TRAPPC9: variants seen among roughly 807,000 people sequenced by gnomAD.
TRAPPC9 encodes IKK2 binding protein.
TRAPPC9 carries 83 observed loss-of-function variants against 124.0 expected under a neutral mutation model. The observed-to-expected ratio is 0.67, with a 90% CI of 0.56 to 0.80. TRAPPC9 has a LOEUF of 0.80. TRAPPC9 is among the 30% of genes least tolerant of loss of function. TRAPPC9 has a pLI of 0.00. For missense variants in TRAPPC9, 1,302 were observed against 1,508.3 expected (o/e 0.86, Z 2.27); for synonymous variants, 638 against 617.5 (o/e 1.03, Z -0.49).
At chr8:140,444,199 G>A (rs1486105813) in intron 2 of TRAPPC9, among the ~76,000 whole-genome samples, 2 of 145,604 alleles carry the variant, frequency 1.4e-5, no homozygotes, top group African/African-American at 2.6e-5. Context: ...GCAACAGAGT[G>A]AGACTCTGTC....
intron 9 of TRAPPC9, among the ~76,000 whole-genome samples, chr8:140,314,638 C>T (rs913258560): frequency 4.6e-5 from 7 of 152,192 alleles, no homozygotes; most frequent in African/African-American, 1.7e-4. Flanking sequence ...CTCTATTCTG[C>T]TAATTCCATG....
chr8:139,740,215 T>C (rs374354382), intron 21 of TRAPPC9, among the ~76,000 whole-genome samples: 1 of 152,236 alleles, frequency 6.6e-6, no homozygotes, highest in East Asian at 1.9e-4. Context: ...TTCCCTCCTG[T>C]CCCTGGCCCT....
chr8:139,782,624 C>T (rs1342099665), intron 21 of TRAPPC9, among the ~76,000 whole-genome samples: 1 of 152,116 alleles, frequency 6.6e-6, no homozygotes, highest in Non-Finnish European at 1.5e-5. Context: ...AGGTGGGCAA[C>T]TGAATATCTT....
intron 21 of TRAPPC9, among the ~76,000 whole-genome samples, chr8:139,806,458 G>T (rs1453116435): frequency 6.6e-6 from 1 of 152,152 alleles, no homozygotes; most frequent in Non-Finnish European, 1.5e-5. Context: ...GGGGCTCAGC[G>T]GCAGTGACAC....
intron 5 of TRAPPC9, among the ~76,000 whole-genome samples, chr8:140,418,495 T>C (rs985992734): frequency 6.6e-6 from 1 of 151,974 alleles, no homozygotes; most frequent in Non-Finnish European, 1.5e-5. Flanking sequence ...CCAAGGCAGG[T>C]GGACTGACTG....
rs546364641 is a variant in TRAPPC9, at chr8:139,977,933, G to A, written c.2810+10793C>T. 1.7e-3 allele frequency among the ~76,000 whole-genome samples: 260 copies of A among 152,092 alleles called. 2 individuals are homozygous for A. Among genetic ancestry groups the A allele is most frequent in the African/African-American group, 5.9e-3 (243 of 41,500 alleles). ...TGACCTTAGGTGATCCACCCACCACGGCCTCCTAAAGTGCTGGGATTATGG... is the reference window on the plus strand; with the variant it reads ...TGACCTTAGGTGATCCACCCACCACAGCCTCCTAAAGTGCTGGGATTATGG... On this transcript the variant is annotated intron_variant, in intron 19 of 22. Coordinates refer to ENST00000438773, the MANE Select transcript of TRAPPC9 (RefSeq NM_001160372.4).
At chr8:139,847,697 G>A (rs540852219) in intron 21 of TRAPPC9, among the ~76,000 whole-genome samples, 15 of 151,752 alleles carry the variant, frequency 9.9e-5, no homozygotes, top group East Asian at 7.8e-4. Flanking sequence ...CCGACGGCCC[G>A]GCCTGTGGAT....
rs62526982 is a variant in TRAPPC9, at chr8:139,932,083, T to C, written c.2811-21783A>G. On this transcript the variant is annotated intron_variant, in intron 19 of 22. Transcript: ENST00000438773. ...AGCAATAATACAATTCAAAAGGAGATAGAAGAGGCCGCAGAGGTGTTGATG... is the reference window on the plus strand; with the variant it reads ...AGCAATAATACAATTCAAAAGGAGACAGAAGAGGCCGCAGAGGTGTTGATG... 2.2e-3 allele frequency: 749 copies of C among 348,362 alleles called. 1 individual carries two copies. Among genetic ancestry groups the C allele is most frequent in the Admixed American group, 4.0e-3 (104 of 25,832 alleles). 21.6% of individuals were successfully genotyped at this position (348,362 alleles called of 1,614,324 possible).
At chr8:140,294,091 C>G (rs1436691693) in intron 11 of TRAPPC9, among the ~76,000 whole-genome samples, 1 of 152,026 alleles carries the variant, frequency 6.6e-6, no homozygotes, top group East Asian at 1.9e-4. Context: ...TCCTGAGAAG[C>G]AAGAAAACTG....
At chr8:140,413,667 C>T (rs996395999) in intron 5 of TRAPPC9, among the ~76,000 whole-genome samples, 1 of 106,062 alleles carries the variant, frequency 9.4e-6, no homozygotes, top group African/African-American at 3.6e-5. Flanking sequence ...CCCCTCCCCC[C>T]ACCCCACAAC....
At chr8:139,935,497 C>T (rs1237203516) in intron 19 of TRAPPC9, among the ~76,000 whole-genome samples, 1 of 152,106 alleles carries the variant, frequency 6.6e-6, no homozygotes, top group African/African-American at 2.4e-5. Flanking sequence ...AGTCCATGAC[C>T]AGTGTGTTTG....
chr8:140,142,081 G>A (rs549553597), intron 17 of TRAPPC9, among the ~76,000 whole-genome samples: 260 of 152,270 alleles, frequency 1.7e-3, no homozygotes, highest in African/African-American at 5.8e-3. Flanking sequence ...CATTCATGCT[G>A]GGGCAGTCGA....
chr8:140,400,925 A>G (rs2069243258), intron 6 of TRAPPC9, among the ~76,000 whole-genome samples: 1 of 151,990 alleles, frequency 6.6e-6, no homozygotes, highest in African/African-American at 2.4e-5. Flanking sequence ...TCCAAACCTT[A>G]TTTTTATTTT....
chr8:140,125,232 TGGCCCAGGGGCACTCGGA>T (rs1328055523), intron 17 of TRAPPC9, among the ~76,000 whole-genome samples: 1 of 152,088 alleles, frequency 6.6e-6, no homozygotes, highest in African/African-American at 2.4e-5. Flanking sequence ...CAAAGGTAAC[TGGCCCAGGGGCACTCGGA>T]GGGAACCACC....
intron 21 of TRAPPC9, among the ~76,000 whole-genome samples, chr8:139,814,929 C>T (rs1357784417): frequency 1.3e-5 from 2 of 152,150 alleles, no homozygotes; most frequent in Non-Finnish European, 1.5e-5. Context: ...ACAGACATGG[C>T]CGGGCACCGA....
intron 16 of TRAPPC9, among the ~76,000 whole-genome samples, chr8:140,250,109 G>T (rs185968284): frequency 3.0e-4 from 46 of 152,260 alleles, no homozygotes; most frequent in Non-Finnish European, 5.7e-4. Flanking sequence ...GCATTTGATT[G>T]TTACAGCTCT....
rs956203664 is a variant in TRAPPC9 at position 140,000,409 on chromosome 8, G to T, written c.2700-11573C>A. ...GATCTAATTAAACTAAAGAGCTTCT[G>T]CACAGCAAAAGAAACTACCATCAGA... On this transcript the variant is annotated intron_variant, in intron 18 of 22. Coordinates refer to ENST00000438773, the MANE Select transcript of TRAPPC9 (RefSeq NM_001160372.4). 6.4e-4 allele frequency among the ~76,000 whole-genome samples: 98 copies of T among 152,306 alleles called. 1 individual carries two copies. Among genetic ancestry groups the T allele is most frequent in the Middle Eastern group, 3.4e-3 (1 of 294 alleles).
chr8:140,304,134 G>A (rs534524763), intron 10 of TRAPPC9, among the ~76,000 whole-genome samples: 6 of 146,722 alleles, frequency 4.1e-5, no homozygotes, highest in Non-Finnish European at 8.9e-5. Context: ...CGCTCTTGTC[G>A]CCCAGGCTGG....
chr8:140,023,720 T>C (rs968309959), intron 18 of TRAPPC9, among the ~76,000 whole-genome samples: 2 of 152,132 alleles, frequency 1.3e-5, no homozygotes, highest in African/African-American at 4.8e-5. Flanking sequence ...CACGGCGTGA[T>C]ATGTAAAGCC....
Sources: allele counts gnomAD v4.1 joint callset (sites outside exome capture counted in the v4.1 genomes callset), GRCh38; gene constraint gnomAD v4.1.1; transcripts MANE v1.5; gene names NCBI Gene and HGNC (gene_info 2026-07-23, HGNC 2026-07-21).